The following GTF2IRD2B variants were observed in gnomAD, a reference collection of about 807,000 sequenced individuals.
GTF2IRD2B encodes general transcription factor II-I repeat domain-containing protein 2B.
A neutral mutation model predicts 55.6 loss-of-function variants in GTF2IRD2B; 10 were observed. That is an observed-to-expected ratio of 0.18 (90% CI 0.11 to 0.31). The LOEUF (loss-of-function observed/expected upper bound fraction) is 0.31, where lower values mean the gene tolerates loss of function less well. GTF2IRD2B is among the 10% of genes least tolerant of loss of function. The probability of loss-of-function intolerance (pLI) is 1.00; values close to 1 mark genes in which losing one functional copy is unlikely to be tolerated. For missense variants in GTF2IRD2B, 206 were observed against 802.7 expected (o/e 0.26, Z 8.98); for synonymous variants, 107 against 320.5 (o/e 0.33, Z 7.12).
chr7:75,109,293 C>T (rs1807890595), intron 2 of GTF2IRD2B, among the ~76,000 whole-genome samples: 1 of 146,878 alleles, frequency 6.8e-6, no homozygotes, highest in African/African-American at 2.4e-5. Flanking sequence ...CCTGCCTCAG[C>T]CTCCTGGGTA....
At chr7:75,123,751 G>A (rs1351260356) in intron 6 of GTF2IRD2B, 12 of 663,108 alleles carry the variant, frequency 1.8e-5, no homozygotes, top group East Asian at 3.6e-5. Flanking sequence ...GGTGGCGGGC[G>A]CCTGTAGTCC....
At chr7:75,133,368 A>T (rs1554453203) in intron 9 of GTF2IRD2B, among the ~76,000 whole-genome samples, 156 bp downstream of exon 9, 1 of 146,308 alleles carries the variant, frequency 6.8e-6, no homozygotes, top group East Asian at 1.9e-4. Context: ...GTTATAAAAT[A>T]GATTCTATTT....
At position 75,123,116 on chromosome 7, in the gene GTF2IRD2B, A is replaced by G. The variant is rs1425447176; in HGVS notation, c.359-20A>G. 3.2e-6 allele frequency: 5 copies of G among 1,546,248 alleles called. No individual in the cohort carries two copies. In the African/African-American group the frequency reaches 7.4e-5, roughly 23 times the overall value. ...AACGTTAGGTTCACACCATCCAAAG[A>G]CGTTTGCGTCTTCTTGTAGGTAAAG... On this transcript the variant is annotated intron_variant, in intron 4 of 15. Coordinates refer to ENST00000472837, the MANE Select transcript of GTF2IRD2B (RefSeq NM_001003795.3).
At chr7:75,147,249 A>G (rs1381062772) in intron 15 of GTF2IRD2B, among the ~76,000 whole-genome samples, 1 of 151,792 alleles carries the variant, frequency 6.6e-6, no homozygotes, top group South Asian at 2.1e-4. Context: ...CCTGGACAAC[A>G]TGGTGAAATC....
At chr7:75,101,889 A>G (rs1459554668) in intron 1 of GTF2IRD2B, among the ~76,000 whole-genome samples, 1 of 97,048 alleles carries the variant, frequency 1.0e-5, no homozygotes, top group Non-Finnish European at 2.2e-5. Context: ...GCAAGACCCC[A>G]TCTCAAAAAA....
At chr7:75,102,893 G>C (rs587649105) in intron 1 of GTF2IRD2B, among the ~76,000 whole-genome samples, 2 of 151,538 alleles carry the variant, frequency 1.3e-5, no homozygotes, top group East Asian at 3.9e-4. Context: ...CCAGAGGCAG[G>C]GGTTGCAGTG....
chr7:75,132,709 C>T (rs1209409146), intron 8 of GTF2IRD2B, among the ~76,000 whole-genome samples: 4 of 143,562 alleles, frequency 2.8e-5, no homozygotes, highest in Admixed American at 2.0e-4. Context: ...TCCGCCACCA[C>T]TCCCAGCTAA....
At chr7:75,105,182 T>A (rs1807743289) in intron 1 of GTF2IRD2B, among the ~76,000 whole-genome samples, 1 of 152,018 alleles carries the variant, frequency 6.6e-6, no homozygotes, top group African/African-American at 2.4e-5. Flanking sequence ...AGCAAGATGC[T>A]GTCTCAAAAC....
In GTF2IRD2B at chr7:75,113,838, CTA is replaced by C. The variant is rs1413405279; in HGVS notation, c.238+1305_238+1306del. On this transcript the variant is annotated intron_variant, in intron 3 of 15. Transcript: ENST00000472837. ...TGTGTATGTACAGAGAGAGGGGTCT[CTA>C]TGGATTGGCAGAGGGTATATAAAGT... 5.0e-5 allele frequency among the ~76,000 whole-genome samples: 6 copies of C among 120,588 alleles called. 1 individual carries two copies. Among genetic ancestry groups the C allele is most frequent in the African/African-American group, 6.8e-5 (2 of 29,500 alleles). 79.1% of individuals were successfully genotyped at this position (120,588 alleles called of 152,430 possible). A position where few individuals can be genotyped will look rare whatever the true frequency, so the allele number is the denominator to read the frequency against.
intron 8 of GTF2IRD2B, among the ~76,000 whole-genome samples, chr7:75,132,337 C>G (rs1207670028): frequency 1.1e-5 from 1 of 90,274 alleles, no homozygotes; most frequent in African/African-American, 5.4e-5. Context: ...CCAGCCTGGG[C>G]AACAGAGTGA....
In GTF2IRD2B at chr7:75,148,311, C is replaced by G. The variant is rs1367820613; in HGVS notation, c.1864C>G (p.Pro622Ala). 2.5e-6 allele frequency: 4 copies of G among 1,613,514 alleles called. No individual in the cohort carries two copies. The highest frequency in any genetic ancestry group is 3.4e-6 in the Non-Finnish European group (4 of 1,179,788). The change falls in exon 16 of 16, where the codon CCA (proline) becomes GCA (alanine). Residue 622 changes from proline (P) to alanine (A), a missense_variant. Transcript: ENST00000472837. ...AGTAAGCGTGGCCTCCACTGGCACC[C>G]CAGCGATGGTGGATGCCAATAACGG... is the stretch of plus-strand genomic sequence containing the variant. The part of the protein sequence containing the change: ...RLVSVASTGT[P>A]AMVDANNGLV...
intron 1 of GTF2IRD2B, among the ~76,000 whole-genome samples, chr7:75,105,808 C>T (rs1807779878): frequency 1.3e-5 from 2 of 152,306 alleles, no homozygotes; most frequent in South Asian, 4.1e-4. Flanking sequence ...ATTAAAGGAG[C>T]AAAGACTTAT....
chr7:75,096,846 C>T (rs1234430430), intron 1 of GTF2IRD2B, among the ~76,000 whole-genome samples: 1 of 142,700 alleles, frequency 7.0e-6, no homozygotes, highest in African/African-American at 2.7e-5. Context: ...TTAATTAAAA[C>T]CAAGCCCTGC....
intron 4 of GTF2IRD2B, 35 bp from the exon 5 acceptor site, chr7:75,123,101 T>G (rs1353021264): frequency 4.5e-6 from 7 of 1,552,216 alleles, no homozygotes; most frequent in Non-Finnish European, 6.0e-6. Context: ...AACGTTAGGT[T>G]CACACCATCC....
At chr7:75,115,492 T>A (rs111635590) in intron 3 of GTF2IRD2B, among the ~76,000 whole-genome samples, 7 of 141,606 alleles carry the variant, frequency 4.9e-5, no homozygotes, top group Non-Finnish European at 1.1e-4. Flanking sequence ...GGAGAGATCT[T>A]GGCTGACCAC....
At position 75,148,236 on chromosome 7, in the gene GTF2IRD2B, T is replaced by C. The variant is rs140749398; in HGVS notation, c.1789T>C (p.Leu597=). The C allele has an allele frequency of 2.7e-4, 429 of 1,613,872 alleles. No individual in the cohort carries two copies. In the African/African-American group the frequency reaches 5.1e-3, roughly 19 times the overall value. The change falls in exon 16 of 16, where the codon TTG becomes CTG. Residue 597 remains leucine, a synonymous_variant. Transcript: ENST00000472837. ...TACAAAATCTGGCAACGAGATCTTT[T>C]TGCGTGTTGAGAAGAGCCTGAAAAA... The part of the protein sequence containing the change: ...TGTKSGNEIF[L]RVEKSLKKFC...
At chr7:75,102,222 C>T (rs1452627278) in intron 1 of GTF2IRD2B, among the ~76,000 whole-genome samples, 3 of 151,300 alleles carry the variant, frequency 2.0e-5, no homozygotes, top group Middle Eastern at 3.4e-3. Context: ...AGGATGGTCT[C>T]GATCTCTTGA....
chr7:75,123,887 A>C (rs1366753971), intron 6 of GTF2IRD2B: 8 of 344,376 alleles, frequency 2.3e-5, no homozygotes, highest in Middle Eastern at 1.0e-3. Context: ...CAAAAAAAAA[A>C]ACAAAACTTG....
At position 75,124,009 on chromosome 7, in the gene GTF2IRD2B, C is replaced by G. The variant is rs367782735; in HGVS notation, c.571+493C>G. On this transcript the variant is annotated intron_variant, in intron 6 of 15. Coordinates refer to ENST00000472837, the MANE Select transcript of GTF2IRD2B (RefSeq NM_001003795.3). The stretch of plus-strand genomic sequence containing the variant: ...GCACATTCTGCAGATGTATCCCCCC[C>G]CCTTTTTTTTTTAGAAGAAATAAAG... The G allele has an allele frequency of 3.1e-3, 520 of 169,160 alleles. 5 individuals are homozygous for G. Among genetic ancestry groups the G allele is most frequent in the African/African-American group, 0.012 (481 of 41,448 alleles). 10.5% of individuals were successfully genotyped at this position (169,160 alleles called of 1,614,324 possible).
Sources: allele counts gnomAD v4.1 joint callset (sites outside exome capture counted in the v4.1 genomes callset), GRCh38; gene constraint gnomAD v4.1.1; transcripts MANE v1.5; gene names NCBI Gene and HGNC (gene_info 2026-07-23, HGNC 2026-07-21).